The following PTPRT variants were observed in gnomAD, a reference collection of about 807,000 sequenced individuals.
PTPRT encodes receptor-type tyrosine-protein phosphatase T.
A neutral mutation model predicts 176.8 loss-of-function variants in PTPRT; 56 were observed. The ratio of observed to expected loss-of-function variants is 0.32; its 90% confidence interval spans 0.26 to 0.40. PTPRT has a LOEUF of 0.40. Ranked by LOEUF, PTPRT falls within the 10% of genes least tolerant of loss-of-function variation. The pLI, the probability that PTPRT is intolerant of heterozygous loss-of-function variation, is 1.00. For synonymous variants in PTPRT, 783 were observed against 739.0 expected (o/e 1.06, Z -0.96); for missense variants, 1,540 against 1,908.2 (o/e 0.81, Z 3.60).
chr20:43,098,094 A>AACAG (rs1378932614), intron 1 of PTPRT, among the ~76,000 whole-genome samples: 3 of 152,198 alleles, frequency 2.0e-5, no homozygotes, highest in Non-Finnish European at 4.4e-5. Flanking sequence ...TGAGTAGAGA[A>AACAG]ACAGAGCCAG....
intron 1 of PTPRT, among the ~76,000 whole-genome samples, chr20:43,176,987 G>C (rs1411040030): frequency 2.6e-5 from 4 of 152,286 alleles, no homozygotes; most frequent in African/African-American, 9.6e-5. Flanking sequence ...GCTCTGTGTA[G>C]TCACCGCACT....
At chr20:43,178,991 C>G (rs952049558) in intron 1 of PTPRT, among the ~76,000 whole-genome samples, 1 of 152,162 alleles carries the variant, frequency 6.6e-6, no homozygotes, top group African/African-American at 2.4e-5. Context: ...ACAGATACTG[C>G]CTAGACAAGA....
chr20:42,251,465 T>C (rs758228399), intron 13 of PTPRT, among the ~76,000 whole-genome samples: 1 of 152,090 alleles, frequency 6.6e-6, no homozygotes, highest in South Asian at 2.1e-4. Flanking sequence ...TAGGGGAATA[T>C]AATTAATAAA....
rs1030808811 is a variant in PTPRT at position 42,487,887 on chromosome 20, C to T, written c.1154-15325G>A. Among the ~76,000 whole-genome samples the T allele has an allele frequency of 2.0e-5, 3 of 152,362 alleles. No homozygotes were observed. In the South Asian group the frequency reaches 6.2e-4, roughly 32 times the overall value. On this transcript the variant is annotated intron_variant, in intron 7 of 30. Coordinates refer to ENST00000373187, the MANE Select transcript of PTPRT (RefSeq NM_007050.6). Reference sequence around the variant, plus strand: ...TGTTTATTGACACTCTTCACTTTCACTGCCTTCCTTCTGTAGACCCATTAT... The same window carrying T: ...TGTTTATTGACACTCTTCACTTTCATTGCCTTCCTTCTGTAGACCCATTAT...
At chr20:42,686,074 T>C (rs1431029779) in intron 6 of PTPRT, 1 of 152,214 alleles carries the variant, frequency 6.6e-6, no homozygotes, top group Non-Finnish European at 1.5e-5. Context: ...GTTTTGACAC[T>C]TGACTTTCAG....
At chr20:43,140,886 T>C (rs1379945832) in intron 1 of PTPRT, among the ~76,000 whole-genome samples, 2 of 152,170 alleles carry the variant, frequency 1.3e-5, no homozygotes, top group Non-Finnish European at 2.9e-5. Context: ...CTGGCTAAAT[T>C]TCTTACTTCT....
At chr20:42,061,949 C>G in the PTPRT span, among the ~76,000 whole-genome samples, 1 of 152,206 alleles carries the variant, frequency 6.6e-6, no homozygotes, top group Non-Finnish European at 1.5e-5. Flanking sequence ...TTAATTTTAC[C>G]TTTTGTGATG....
At chr20:42,911,128 G>A (rs1978354079) in intron 1 of PTPRT, among the ~76,000 whole-genome samples, 1 of 152,040 alleles carries the variant, frequency 6.6e-6, no homozygotes, top group African/African-American at 2.4e-5. Context: ...ATTTGGGTGA[G>A]GTCACAAAGC....
At chr20:43,102,282 C>T (rs2012419570) in intron 1 of PTPRT, among the ~76,000 whole-genome samples, 1 of 106,138 alleles carries the variant, frequency 9.4e-6, no homozygotes, top group Non-Finnish European at 1.9e-5. Context: ...TTCACTCACA[C>T]ATCACACACA....
intron 6 of PTPRT, among the ~76,000 whole-genome samples, chr20:42,728,772 T>C (rs1274985575): frequency 6.6e-6 from 1 of 152,182 alleles, no homozygotes; most frequent in Admixed American, 6.5e-5. Context: ...TCACCCTTCA[T>C]TGCAATTCTT....
rs117950601 is a variant in PTPRT at position 42,949,957 on chromosome 20, C to T, written c.89-64025G>A. 1.6e-3 allele frequency among the ~76,000 whole-genome samples: 241 copies of T among 152,280 alleles called. No homozygotes were observed. In the East Asian group the frequency reaches 0.03, roughly 19 times the overall value. On this transcript the variant is annotated intron_variant, in intron 1 of 30. Coordinates refer to ENST00000373187, the MANE Select transcript of PTPRT (RefSeq NM_007050.6). ...GCTAAGACATCCAGTATGTATCCAA[C>T]GAACAAATGAAAGGAAGGAAGAAGG... is the stretch of plus-strand genomic sequence containing the variant.
At position 42,677,707 on chromosome 20, in the gene PTPRT, A is replaced by G. The variant is rs181222697; in HGVS notation, c.1153+159T>C. ...GGTCCTCTAAAAAACAAACAAACAA[A>G]AAAAACCCCAAGGCCTTGATCCTGT... On this transcript the variant is annotated intron_variant, in intron 7 of 30. Coordinates refer to ENST00000373187, the MANE Select transcript of PTPRT (RefSeq NM_007050.6). 3.0e-3 allele frequency among the ~76,000 whole-genome samples: 462 copies of G among 152,274 alleles called. 2 individuals are homozygous for G. The highest frequency in any genetic ancestry group is 0.011 in the African/African-American group (443 of 41,558).
At chr20:42,964,534 A>G (rs1982183860) in intron 1 of PTPRT, among the ~76,000 whole-genome samples, 1 of 11,280 alleles carries the variant, frequency 8.9e-5, no homozygotes, top group South Asian at 1.8e-3. Context: ...AGAAATCAAC[A>G]AAATACAGTA....
intron 7 of PTPRT, among the ~76,000 whole-genome samples, chr20:42,478,369 G>C (rs372834645): frequency 6.6e-6 from 1 of 152,058 alleles, no homozygotes; most frequent in Non-Finnish European, 1.5e-5. Context: ...AGGAAGGCAC[G>C]GTGGTCCTCC....
In PTPRT at chr20:42,706,890, A is replaced by G. The variant is rs6030427; in HGVS notation, c.860-28731T>C. On this transcript the variant is annotated intron_variant, in intron 6 of 30. Transcript: ENST00000373187. ...TGTAATCTGTTCAAGATGAAACACT[A>G]TACTGGAATAGGGTTGGCCTTAATC... is the stretch of plus-strand genomic sequence containing the variant. Among the ~76,000 whole-genome samples, 1,350 of 152,332 alleles carry G rather than the reference A, an allele frequency of 8.9e-3. 23 individuals are homozygous for G. The highest frequency in any genetic ancestry group is 0.031 in the African/African-American group (1,302 of 41,564).
chr20:42,112,229 A>G (rs541418780), intron 22 of PTPRT, among the ~76,000 whole-genome samples: 2 of 152,268 alleles, frequency 1.3e-5, no homozygotes, highest in African/African-American at 4.8e-5. Flanking sequence ...AGAGGGCACT[A>G]TTGGTGCCCA....
intron 6 of PTPRT, among the ~76,000 whole-genome samples, chr20:42,702,561 T>C (rs1369746446): frequency 6.6e-6 from 1 of 152,200 alleles, no homozygotes; most frequent in Non-Finnish European, 1.5e-5. Flanking sequence ...AGCAAAACTC[T>C]TAACAATCTA....
At chr20:42,356,685 A>G (rs901543868) in intron 9 of PTPRT, among the ~76,000 whole-genome samples, 11 of 152,124 alleles carry the variant, frequency 7.2e-5, no homozygotes, top group African/African-American at 2.4e-4. Flanking sequence ...AACAAGAGTG[A>G]AACTCCCTCT....
chr20:42,269,316 T>A (rs867787077), intron 13 of PTPRT, among the ~76,000 whole-genome samples: 46 of 152,326 alleles, frequency 3.0e-4, no homozygotes, highest in Middle Eastern at 6.8e-3. Flanking sequence ...GTGAAGGTAC[T>A]GGATGCCCAG....
Sources: gnomAD v4.1 joint callset for allele counts (sites outside exome capture counted in the v4.1 genomes callset) on GRCh38, gnomAD v4.1.1 for gene constraint, MANE v1.5 for transcripts, NCBI Gene and HGNC (gene_info 2026-07-23, HGNC 2026-07-21) for gene names.